SVIL: variants seen among roughly 807,000 people sequenced by gnomAD.
The protein encoded by SVIL is supervillin, also known as archvillin.
In SVIL, 101 loss-of-function variants were observed where a neutral mutation model predicts 240.4. That is an observed-to-expected ratio of 0.42 (90% CI 0.36 to 0.50). SVIL has a LOEUF of 0.50. Among genes scored for constraint, SVIL ranks in the 20% least tolerant of loss-of-function variants. The probability of loss-of-function intolerance (pLI) is 0.01; values close to 1 mark genes in which losing one functional copy is unlikely to be tolerated. For missense variants in SVIL, 2,512 were observed against 2,818.7 expected (o/e 0.89, Z 2.46); for synonymous variants, 999 against 1,100.0 (o/e 0.91, Z 1.82).
At chr10:29,650,659 C>G (rs754340280) in intron 3 of SVIL, among the ~76,000 whole-genome samples, 2 of 151,964 alleles carry the variant, frequency 1.3e-5, no homozygotes, top group Non-Finnish European at 2.9e-5. Context: ...CAAAAAAAAG[C>G]CTGGAATGAA....
At chr10:29,496,262 G>A (rs11007625) in intron 18 of SVIL, 175,112 of 355,440 alleles carry the variant, frequency 0.49, 44,521 homozygotes, top group African/African-American at 0.62. Context: ...TTGATTGATG[G>A]TGTCAATAAA....
intron 3 of SVIL, among the ~76,000 whole-genome samples, chr10:29,648,916 T>C (rs763897210): frequency 2.0e-5 from 3 of 151,808 alleles, no homozygotes; most frequent in African/African-American, 2.4e-5. Context: ...GTGGGGAGGA[T>C]TGCTTCAGCC....
intron 2 of SVIL, among the ~76,000 whole-genome samples, chr10:29,661,561 AAG>A: frequency 6.6e-6 from 1 of 152,170 alleles, no homozygotes; most frequent in East Asian, 1.9e-4. Flanking sequence ...TGACCTTTCC[AAG>A]GCATTTCTTT....
At position 29,463,621 on chromosome 10, in the gene SVIL, C is replaced by T; in HGVS notation, c.6148G>A (p.Asp2050Asn). 4 of 1,614,010 alleles carry T rather than the reference C, an allele frequency of 2.5e-6. No homozygotes were observed. The highest frequency in any genetic ancestry group is 3.4e-6 in the Non-Finnish European group (4 of 1,179,988). ...SAPQPALFLV[D>N]NHHEVYLWQG... is the part of the protein sequence containing the mutation. ...CAGAGGTACACCTCGTGGTGATTGT[C>T]AACAAGGAAAAGTGCTGTGAGGGCA... is the stretch of plus-strand genomic sequence containing the variant. Residue 2050 changes from aspartate to asparagine, a missense_variant, in exon 35 of 38, where the codon GAC (aspartate) becomes AAC (asparagine). By Grantham distance (23) the Asp-to-Asn change is conservative. Coordinates refer to ENST00000355867, the MANE Select transcript of SVIL (RefSeq NM_021738.3).
At chr10:29,733,779 T>C (rs888746380) in intron 1 of SVIL, among the ~76,000 whole-genome samples, 1 of 152,246 alleles carries the variant, frequency 6.6e-6, no homozygotes, top group African/African-American at 2.4e-5. Context: ...TCCAAGTCCC[T>C]GACTGTCACG....
At chr10:29,603,520 C>T (rs551548882) in intron 1 of SVIL, among the ~76,000 whole-genome samples, 1 of 123,814 alleles carries the variant, frequency 8.1e-6, no homozygotes, top group African/African-American at 2.6e-5. Context: ...AGCTCTGGCT[C>T]CCAAGAATTA....
intron 1 of SVIL, among the ~76,000 whole-genome samples, chr10:29,726,410 T>A (rs1292926994): frequency 6.6e-6 from 1 of 152,168 alleles, no homozygotes; most frequent in African/African-American, 2.4e-5. Flanking sequence ...TTGTCATACC[T>A]CATTTGAGGT....
At chr10:29,464,560 C>T (rs1479836335) in intron 34 of SVIL, among the ~76,000 whole-genome samples, 1 of 152,214 alleles carries the variant, frequency 6.6e-6, no homozygotes, top group African/African-American at 2.4e-5. Flanking sequence ...GCCTCTCACT[C>T]TTGCTAGTCG....
At chr10:29,561,727 C>T (rs566492972) in intron 3 of SVIL, among the ~76,000 whole-genome samples, 1 of 152,202 alleles carries the variant, frequency 6.6e-6, no homozygotes, top group Non-Finnish European at 1.5e-5. Context: ...GGGGGAGAGC[C>T]GATGCGAGCA....
chr10:29,663,589 C>G lies in SVIL; in HGVS notation c.-300-5521G>C, dbSNP rs547739943. Reference sequence around the variant, plus strand: ...CAGGCTGGTCTTGAACTCCTGACCTCAAGTGATCTGCCCTGCTTGGCCTCC... The same window carrying G: ...CAGGCTGGTCTTGAACTCCTGACCTGAAGTGATCTGCCCTGCTTGGCCTCC... On this transcript the variant is annotated intron_variant, in intron 2 of 35. Transcript: ENST00000375400. Among the ~76,000 whole-genome samples the G allele has an allele frequency of 2.6e-5, 4 of 152,316 alleles. No individual in the cohort carries two copies. The East Asian group carries it at 7.7e-4, about 29-fold the overall frequency.
intron 1 of SVIL, among the ~76,000 whole-genome samples, chr10:29,609,860 T>A (rs1957173897): frequency 6.6e-6 from 1 of 152,212 alleles, no homozygotes; most frequent in Admixed American, 6.5e-5. Flanking sequence ...AGGCATGGGA[T>A]CCAGGCTGGT....
At chr10:29,473,756 G>A (rs777947291) in intron 30 of SVIL, 82 bp downstream of exon 30, 7 of 1,577,712 alleles carry the variant, frequency 4.4e-6, no homozygotes, top group Non-Finnish European at 6.0e-6. Flanking sequence ...ATCATGTTGG[G>A]AGGGACCAGG....
chr10:29,615,982 C>T (rs549168450), intron 1 of SVIL, among the ~76,000 whole-genome samples: 71 of 152,312 alleles, frequency 4.7e-4, no homozygotes, highest in African/African-American at 1.6e-3. Flanking sequence ...TGGCATGATA[C>T]CCCATATCTA....
At chr10:29,546,973 C>T (rs1465750130) in intron 6 of SVIL, among the ~76,000 whole-genome samples, 1 of 152,164 alleles carries the variant, frequency 6.6e-6, no homozygotes, top group African/African-American at 2.4e-5. Context: ...TTTGTCTTCA[C>T]TTGTTGATTT....
At chr10:29,729,475 G>A (rs184392351) in intron 1 of SVIL, among the ~76,000 whole-genome samples, 3,610 of 150,084 alleles carry the variant, frequency 0.024, 166 homozygotes, top group African/African-American at 0.085. Context: ...GTGTGTGTGT[G>A]TGTGTGTGTG....
At chr10:29,699,642 GA>G (rs1300590786) in intron 1 of SVIL, among the ~76,000 whole-genome samples, 6 of 152,166 alleles carry the variant, frequency 3.9e-5, no homozygotes, top group Non-Finnish European at 7.4e-5. Context: ...AGGACACGCT[GA>G]AGCCATAAAA....
At chr10:29,587,779 C>T (rs1308700665) in intron 1 of SVIL, among the ~76,000 whole-genome samples, 1 of 152,208 alleles carries the variant, frequency 6.6e-6, no homozygotes, top group Non-Finnish European at 1.5e-5. Flanking sequence ...AAATTGACTG[C>T]ATATCCCGGA....
At chr10:29,627,844 T>G (rs1458423472) in intron 1 of SVIL, among the ~76,000 whole-genome samples, 1 of 152,214 alleles carries the variant, frequency 6.6e-6, no homozygotes, top group African/African-American at 2.4e-5. Context: ...TATTCAGCAC[T>G]TCCAATAAAA....
chr10:29,665,772 C>G (rs1589476826), intron 2 of SVIL, among the ~76,000 whole-genome samples: 1 of 151,746 alleles, frequency 6.6e-6, no homozygotes, highest in Admixed American at 6.6e-5. Flanking sequence ...CCAGCCTGGA[C>G]AACAGAGTGA....
Sources: allele counts gnomAD v4.1 joint callset (sites outside exome capture counted in the v4.1 genomes callset), GRCh38; gene constraint gnomAD v4.1.1; transcripts MANE v1.5; gene names NCBI Gene and HGNC (gene_info 2026-07-23, HGNC 2026-07-21).